SCCPDH: variants seen among roughly 807,000 people sequenced by gnomAD.
SCCPDH encodes the protein saccharopine dehydrogenase-like oxidoreductase.
SCCPDH carries 34 observed loss-of-function variants against 51.5 expected under a neutral mutation model. The observed-to-expected ratio is 0.66, with a 90% CI of 0.50 to 0.88. The LOEUF (loss-of-function observed/expected upper bound fraction) is 0.88, where lower values mean the gene tolerates loss of function less well. SCCPDH is among the 40% of genes least tolerant of loss of function. The pLI is 0.00. For synonymous variants in SCCPDH, 187 were observed against 191.3 expected, an observed-to-expected ratio of 0.98 and a Z score of 0.19; for missense variants, 464 against 527.1, an observed-to-expected ratio of 0.88 and a Z score of 1.17.
chr1:246,760,082 T>C lies in SCCPDH; in HGVS notation c.933+6T>C, dbSNP rs1452810281. 3 of 1,606,902 alleles carry C rather than the reference T, an allele frequency of 1.9e-6. No homozygotes were observed. In the South Asian group the frequency reaches 3.4e-5, roughly 18 times the overall value. ...GAAGGCAACTTCTCATAAAAGTAAG[T>C]AAGATTTTATGAAATTAGATTATTT... On this transcript the variant is annotated splice_donor_region_variant and intron_variant, in intron 8 of 11. Coordinates refer to ENST00000366510, the MANE Select transcript of SCCPDH (RefSeq NM_016002.3).
chr1:246,736,732 CT>C (rs1455076232), intron 3 of SCCPDH, among the ~76,000 whole-genome samples: 1 of 152,056 alleles, frequency 6.6e-6, no homozygotes, highest in Non-Finnish European at 1.5e-5. Context: ...ATTCAGTTAC[CT>C]TTATAACATT....
Position 246,724,553 on chromosome 1 carries a change from T to TGGCGGGCCGC in SCCPDH, c.132_141dup (p.Ser48GlyfsTer27). 6.5e-7 allele frequency: 1 copy of TGGCGGGCCGC among 1,542,634 alleles called. No individual in the cohort carries two copies. The highest frequency in any genetic ancestry group is 8.7e-7 in the Non-Finnish European group (1 of 1,147,118). On this transcript the variant is annotated frameshift_variant, in exon 1 of 12. Transcript: ENST00000366510. LOFTEE classifies it high-confidence loss of function. ...CGGAGCTCCCGCCTGCCCTGGGCCG[T>TGGCGGGCCGC]GGCGGGCCGCTCCCGGGAGAAGCTG... is the stretch of plus-strand genomic sequence containing the variant.
At chr1:246,741,930 G>A (rs1411020676) in intron 4 of SCCPDH, among the ~76,000 whole-genome samples, 3 of 152,086 alleles carry the variant, frequency 2.0e-5, no homozygotes, top group Non-Finnish European at 2.9e-5. Flanking sequence ...TTAGCTGGTC[G>A]TGGTGATGTG....
chr1:246,742,188 T>C (rs1668691689), intron 4 of SCCPDH, among the ~76,000 whole-genome samples: 1 of 152,254 alleles, frequency 6.6e-6, no homozygotes, highest in African/African-American at 2.4e-5. Context: ...ATTGAACATC[T>C]ACAAAATATT....
intron 3 of SCCPDH, among the ~76,000 whole-genome samples, chr1:246,738,827 C>T (rs370724187): frequency 3.3e-5 from 5 of 152,116 alleles, no homozygotes; most frequent in Admixed American, 6.5e-5. Flanking sequence ...CACTCCAGCC[C>T]GGGCAACAGT....
At chr1:246,741,795 G>A (rs1205712917) in intron 4 of SCCPDH, among the ~76,000 whole-genome samples, 1 of 152,240 alleles carries the variant, frequency 6.6e-6, no homozygotes, top group East Asian at 1.9e-4. Context: ...GGCTGGGCAC[G>A]GTGGCTCACG....
intron 5 of SCCPDH, 63 bp from the exon 6 acceptor site, chr1:246,758,163 C>A: frequency 3.3e-6 from 4 of 1,207,296 alleles, no homozygotes; most frequent in Non-Finnish European, 4.6e-6. Flanking sequence ...TGATAAGTTA[C>A]TTGGCTTTAC....
intron 7 of SCCPDH, 119 bp downstream of exon 7, chr1:246,759,270 G>A (rs898632089): frequency 9.3e-6 from 6 of 645,338 alleles, no homozygotes; most frequent in South Asian, 1.9e-5. Context: ...ACATGTTTCA[G>A]CCTCTGGAAA....
intron 5 of SCCPDH, among the ~76,000 whole-genome samples, chr1:246,752,973 GTC>G (rs142328468): frequency 0.045 from 6,742 of 150,888 alleles, 183 homozygotes; most frequent in African/African-American, 0.053. Flanking sequence ...CTGTGTCTCT[GTC>G]TCTCTCTCTC....
intron 2 of SCCPDH, among the ~76,000 whole-genome samples, chr1:246,729,634 T>TACAA (rs113212558): frequency 0.045 from 6,874 of 152,238 alleles, 515 homozygotes; most frequent in African/African-American, 0.16. Context: ...ACACATGTTT[T>TACAA]ACAGTTTGTA....
chr1:246,733,628 C>T (rs970532964), intron 2 of SCCPDH, among the ~76,000 whole-genome samples: 3 of 151,694 alleles, frequency 2.0e-5, no homozygotes, highest in South Asian at 4.2e-4. Flanking sequence ...CATTGAAGCA[C>T]GTGCTAGGAA....
At chr1:246,764,106 G>C (rs563202557) in intron 9 of SCCPDH, 140 bp from the exon 10 acceptor site, 2 of 552,342 alleles carry the variant, frequency 3.6e-6, no homozygotes, top group South Asian at 5.9e-5. Context: ...CTGCTTAAAT[G>C]ATGACGGGAT....
intron 2 of SCCPDH, among the ~76,000 whole-genome samples, chr1:246,729,983 TCTC>T (rs2102979912): frequency 6.6e-6 from 1 of 152,262 alleles, no homozygotes; most frequent in East Asian, 1.9e-4. Context: ...TTATCAAATT[TCTC>T]CTCTTTACTG....
At chr1:246,744,042 T>C (rs1375032034) in intron 4 of SCCPDH, 34 bp from the exon 5 acceptor site, 3 of 1,340,764 alleles carry the variant, frequency 2.2e-6, no homozygotes, top group Non-Finnish European at 3.2e-6. Flanking sequence ...GATGTTATTT[T>C]ATTTTGCTTT....
chr1:246,735,349 A>G (rs757550052), intron 2 of SCCPDH, among the ~76,000 whole-genome samples: 1 of 152,150 alleles, frequency 6.6e-6, no homozygotes, highest in Non-Finnish European at 1.5e-5. Flanking sequence ...TTTTTCCTGT[A>G]TCTGGATTTT....
At chr1:246,751,805 G>T (rs578164485) in intron 5 of SCCPDH, among the ~76,000 whole-genome samples, 33 of 133,204 alleles carry the variant, frequency 2.5e-4, no homozygotes, top group Non-Finnish European at 3.5e-4. Flanking sequence ...ATGGAGTCTC[G>T]CTCTGTCGCC....
intron 4 of SCCPDH, among the ~76,000 whole-genome samples, chr1:246,741,282 TTAAAAG>T (rs894551188): frequency 6.6e-6 from 1 of 151,990 alleles, no homozygotes; most frequent in Non-Finnish European, 1.5e-5. Flanking sequence ...GCTTATGAAA[TTAAAAG>T]TAAAAAGAAA....
intron 1 of SCCPDH, among the ~76,000 whole-genome samples, chr1:246,725,241 A>C (rs905707594): frequency 2.1e-4 from 24 of 113,782 alleles, no homozygotes; most frequent in Admixed American, 8.4e-4. Flanking sequence ...GTATTTATTG[A>C]TAATCTAAGC....
intron 2 of SCCPDH, among the ~76,000 whole-genome samples, chr1:246,733,944 T>C (rs1242310551): frequency 6.6e-6 from 1 of 152,178 alleles, no homozygotes; most frequent in Admixed American, 6.6e-5. Flanking sequence ...ACATAGAGGT[T>C]GGAGGTCACA....
Sources: allele counts gnomAD v4.1 joint callset (sites outside exome capture counted in the v4.1 genomes callset), GRCh38; gene constraint gnomAD v4.1.1; transcripts MANE v1.5; gene names NCBI Gene and HGNC (gene_info 2026-07-23, HGNC 2026-07-21).